Variants in PCDH15 observed in about 807,000 individuals in gnomAD.
The protein encoded by PCDH15 is protocadherin related 15, also known as protocadherin-15.
A neutral mutation model predicts 178.5 loss-of-function variants in PCDH15; 129 were observed. That is an observed-to-expected ratio of 0.72 (90% CI 0.63 to 0.84). The LOEUF (loss-of-function observed/expected upper bound fraction) is 0.84. Among genes scored for constraint, PCDH15 ranks in the 40% least tolerant of loss-of-function variants. The pLI, the probability that PCDH15 is intolerant of heterozygous loss-of-function variation, is 0.00. For missense variants in PCDH15, 2,230 were observed against 2,099.9 expected, an observed-to-expected ratio of 1.06 and a Z score of -1.21; for synonymous variants, 800 against 732.0, an observed-to-expected ratio of 1.09 and a Z score of -1.50.
intron 3 of PCDH15, among the ~76,000 whole-genome samples, chr10:54,864,273 G>A (rs1407767260): frequency 6.6e-6 from 1 of 152,124 alleles, no homozygotes; most frequent in Non-Finnish European, 1.5e-5. Flanking sequence ...AGAGCGTGAA[G>A]TGGAAAGCAG....
intron 2 of PCDH15, among the ~76,000 whole-genome samples, chr10:54,927,138 A>G (rs1053811482): frequency 1.3e-5 from 2 of 151,974 alleles, no homozygotes; most frequent in African/African-American, 4.8e-5. Flanking sequence ...GGTGTGTTGT[A>G]TACTTGTTCT....
intron 8 of PCDH15, among the ~76,000 whole-genome samples, chr10:54,299,303 G>C (rs1036094146): frequency 3.3e-5 from 5 of 151,744 alleles, no homozygotes; most frequent in Admixed American, 2.6e-4. Flanking sequence ...GAGAGGAAGA[G>C]ACAAAGAGGG....
intron 2 of PCDH15, among the ~76,000 whole-genome samples, chr10:55,374,130 T>C (rs1159667362): frequency 6.8e-6 from 1 of 146,784 alleles, no homozygotes; most frequent in East Asian, 2.0e-4. Flanking sequence ...AATAAAAGAA[T>C]GGGCTTTGGG....
In PCDH15 at chr10:53,840,173, C is replaced by G. The variant is rs2077553342; in HGVS notation, c.3983+147G>C. ...CTGAAAACTTTAAGGCATGAGAATC[C>G]TAGGTATTTCAGGTTCTTTGCTTAC... is the stretch of plus-strand genomic sequence containing the variant. On this transcript the variant is annotated intron_variant, in intron 29 of 37. Transcript: ENST00000644397. 3 of 910,612 alleles carry G rather than the reference C, an allele frequency of 3.3e-6. No homozygotes were observed. In the African/African-American group the frequency reaches 8.3e-5, roughly 25 times the overall value. The allele number at this position is 910,612 out of a possible 1,614,324, so 56.4% of individuals were successfully genotyped here. A position where few individuals can be genotyped will look rare whatever the true frequency, so the allele number is the denominator to read the frequency against.
At chr10:53,834,295 C>G (rs1332088094) in intron 29 of PCDH15, among the ~76,000 whole-genome samples, 1 of 152,012 alleles carries the variant, frequency 6.6e-6, no homozygotes, top group African/African-American at 2.4e-5. Flanking sequence ...CCAATCCATA[C>G]CATTCTGTTT....
At chr10:54,731,640 C>G (rs1270107560) in intron 1 of PCDH15, among the ~76,000 whole-genome samples, 2 of 146,460 alleles carry the variant, frequency 1.4e-5, no homozygotes, top group African/African-American at 2.5e-5. Context: ...AGAATGAAAT[C>G]CTGTCATTTG....
chr10:54,765,922 A>G (rs1226198583), intron 1 of PCDH15, among the ~76,000 whole-genome samples: 1 of 152,180 alleles, frequency 6.6e-6, no homozygotes, highest in African/African-American at 2.4e-5. Flanking sequence ...TTCACATGGC[A>G]ATAACATTCT....
chr10:55,447,270 A>C (rs984779201), intron 2 of PCDH15, among the ~76,000 whole-genome samples: 1 of 152,086 alleles, frequency 6.6e-6, no homozygotes, highest in Non-Finnish European at 1.5e-5. Context: ...AGTATCTATG[A>C]GACAACTGTA....
At chr10:55,392,639 G>A (rs761202548) in intron 2 of PCDH15, among the ~76,000 whole-genome samples, 4 of 152,118 alleles carry the variant, frequency 2.6e-5, no homozygotes, top group Non-Finnish European at 4.4e-5. Flanking sequence ...CATATGAGCA[G>A]ATAGTCAGGC....
At chr10:54,962,432 C>T (rs1048051357) in intron 2 of PCDH15, among the ~76,000 whole-genome samples, 39 of 151,724 alleles carry the variant, frequency 2.6e-4, no homozygotes, top group Admixed American at 2.0e-3. Flanking sequence ...ACACAACAGG[C>T]GATGAGAAGG....
At chr10:54,968,454 T>C (rs1245222510) in intron 2 of PCDH15, among the ~76,000 whole-genome samples, 1 of 152,092 alleles carries the variant, frequency 6.6e-6, no homozygotes, top group Non-Finnish European at 1.5e-5. Context: ...TTTTTTTTCT[T>C]TTCAGGATTC....
chr10:54,550,897 T>C (rs780156982), intron 2 of PCDH15, among the ~76,000 whole-genome samples: 4 of 152,026 alleles, frequency 2.6e-5, no homozygotes, highest in Non-Finnish European at 5.9e-5. Flanking sequence ...GGCTCACACC[T>C]GTAATCCCAA....
At chr10:55,133,283 C>T (rs550602295) in intron 2 of PCDH15, among the ~76,000 whole-genome samples, 2 of 152,074 alleles carry the variant, frequency 1.3e-5, no homozygotes, top group South Asian at 4.2e-4. Flanking sequence ...AGTTCCCAGT[C>T]CTCATCTTAT....
At chr10:54,226,452 C>T (rs2134251753) in intron 9 of PCDH15, among the ~76,000 whole-genome samples, 1 of 152,286 alleles carries the variant, frequency 6.6e-6, no homozygotes, top group Non-Finnish European at 1.5e-5. Context: ...ATAATCCCAG[C>T]ACTTTGGGAG....
intron 3 of PCDH15, among the ~76,000 whole-genome samples, chr10:54,506,191 C>G (rs1310977865): frequency 1.3e-5 from 2 of 152,006 alleles, no homozygotes; most frequent in African/African-American, 4.8e-5. Context: ...AATATCACAT[C>G]TGAGCCACTT....
chr10:55,019,130 G>A (rs1305302405), intron 2 of PCDH15, among the ~76,000 whole-genome samples: 7 of 151,860 alleles, frequency 4.6e-5, no homozygotes, highest in East Asian at 3.9e-4. Context: ...TCACTGACAC[G>A]AAGTCATGAG....
intron 1 of PCDH15, among the ~76,000 whole-genome samples, chr10:54,706,349 A>G (rs946920644): frequency 6.6e-6 from 1 of 152,190 alleles, no homozygotes; most frequent in Non-Finnish European, 1.5e-5. Context: ...AATCAAATAT[A>G]AAGTAAAAAT....
At chr10:55,296,049 C>T (rs1249247334) in intron 1 of PCDH15, among the ~76,000 whole-genome samples, 1 of 152,110 alleles carries the variant, frequency 6.6e-6, no homozygotes, top group Non-Finnish European at 1.5e-5. Context: ...CAGGGAAATA[C>T]TTTCTTATTA....
chr10:55,203,226 T>C (rs1840303798), intron 1 of PCDH15, among the ~76,000 whole-genome samples: 1 of 152,048 alleles, frequency 6.6e-6, no homozygotes, highest in Non-Finnish European at 1.5e-5. Context: ...GGCTTCTCTT[T>C]TACACTTCTA....
Sources: allele counts gnomAD v4.1 joint callset (sites outside exome capture counted in the v4.1 genomes callset), GRCh38; gene constraint gnomAD v4.1.1; transcripts MANE v1.5; gene names NCBI Gene and HGNC (gene_info 2026-07-23, HGNC 2026-07-21).